TAFA1: variants seen among roughly 807,000 people sequenced by gnomAD.
TAFA1 encodes the protein TAFA chemokine like family member 1.
A neutral mutation model predicts 18.5 loss-of-function variants in TAFA1; 4 were observed. The observed-to-expected ratio is 0.22, with a 90% CI of 0.11 to 0.49. TAFA1 has a LOEUF of 0.49. Ranked by LOEUF, TAFA1 falls within the 20% of genes least tolerant of loss-of-function variation. The pLI is 0.98. For synonymous variants in TAFA1, 56 were observed against 55.2 expected (o/e 1.01, Z -0.06); for missense variants, 147 against 169.0 (o/e 0.87, Z 0.72).
chr3:68,006,547 C>G (rs567902728), intron 1 of TAFA1, 77 bp from the exon 2 acceptor site: 2 of 902,468 alleles, frequency 2.2e-6, no homozygotes, highest in African/African-American at 1.6e-5. Flanking sequence ...TGAGACCTCC[C>G]TTCCCTCATC....
intron 3 of TAFA1, among the ~76,000 whole-genome samples, chr3:68,519,814 C>T (rs2072990048): frequency 6.6e-6 from 1 of 152,130 alleles, no homozygotes; most frequent in African/African-American, 2.4e-5. Flanking sequence ...GACCGAATTA[C>T]CTCCCAAACA....
At chr3:68,168,664 G>C (rs1040243888) in intron 2 of TAFA1, among the ~76,000 whole-genome samples, 1 of 152,176 alleles carries the variant, frequency 6.6e-6, no homozygotes, top group Non-Finnish European at 1.5e-5. Flanking sequence ...TTATTTTGGA[G>C]TTGTGTTGCT....
intron 2 of TAFA1, among the ~76,000 whole-genome samples, chr3:68,183,355 G>C (rs751151327): frequency 4.6e-5 from 7 of 152,102 alleles, no homozygotes; most frequent in Non-Finnish European, 1.0e-4. Context: ...CAGGAAATAA[G>C]GAACCAGAAG....
At chr3:68,340,374 T>C (rs1233258439) in intron 2 of TAFA1, among the ~76,000 whole-genome samples, 1 of 152,236 alleles carries the variant, frequency 6.6e-6, no homozygotes, top group East Asian at 1.9e-4. Flanking sequence ...TGTGGTTGCA[T>C]TGGAGAATGT....
At chr3:68,032,172 A>G (rs1455971527) in intron 2 of TAFA1, among the ~76,000 whole-genome samples, 2 of 152,082 alleles carry the variant, frequency 1.3e-5, no homozygotes, top group Non-Finnish European at 2.9e-5. Flanking sequence ...TCTATATGAG[A>G]TTCATTAGTT....
At chr3:68,140,949 T>G (rs546655245) in intron 2 of TAFA1, among the ~76,000 whole-genome samples, 10 of 152,278 alleles carry the variant, frequency 6.6e-5, no homozygotes, top group Admixed American at 6.5e-4. Flanking sequence ...ATGTATAATT[T>G]GTTAAAGTGA....
chr3:68,122,533 C>T (rs1213279334), intron 2 of TAFA1, among the ~76,000 whole-genome samples: 1 of 152,056 alleles, frequency 6.6e-6, no homozygotes, highest in Admixed American at 6.6e-5. Flanking sequence ...ATCCACATGA[C>T]AGGAACACTT....
intron 2 of TAFA1, among the ~76,000 whole-genome samples, chr3:68,019,363 C>T (rs573630497): frequency 6.6e-6 from 1 of 152,144 alleles, no homozygotes; most frequent in Admixed American, 6.5e-5. Flanking sequence ...CTTTTAGACT[C>T]CATAGACCCT....
chr3:68,242,124 G>T (rs1475101467), intron 2 of TAFA1, among the ~76,000 whole-genome samples: 8 of 152,136 alleles, frequency 5.3e-5, no homozygotes, highest in Admixed American at 1.3e-4. Flanking sequence ...CACAGCTTCA[G>T]ATGGGAGCTG....
chr3:68,282,828 G>A (rs527963567), intron 2 of TAFA1, among the ~76,000 whole-genome samples: 1 of 152,224 alleles, frequency 6.6e-6, no homozygotes, highest in Admixed American at 6.5e-5. Flanking sequence ...CAAATTCCAG[G>A]TTAATTGATT....
chr3:68,196,237 G>T (rs1559554945), intron 2 of TAFA1, among the ~76,000 whole-genome samples: 1 of 151,762 alleles, frequency 6.6e-6, no homozygotes, highest in East Asian at 1.9e-4. Context: ...TTCAAAAGTG[G>T]TAAAATGGAA....
chr3:68,178,361 T>C (rs544572367), intron 2 of TAFA1, among the ~76,000 whole-genome samples: 1 of 152,276 alleles, frequency 6.6e-6, no homozygotes, highest in East Asian at 1.9e-4. Context: ...GTTGGCATAA[T>C]CCCTTTCTTA....
intron 2 of TAFA1, among the ~76,000 whole-genome samples, chr3:68,248,401 G>T (rs779157293): frequency 6.6e-6 from 1 of 152,082 alleles, no homozygotes; most frequent in Non-Finnish European, 1.5e-5. Context: ...ACTTCAATTT[G>T]CCTTAGGCTT....
chr3:68,175,456 C>A (rs1442754706), intron 2 of TAFA1, among the ~76,000 whole-genome samples: 1 of 152,210 alleles, frequency 6.6e-6, no homozygotes, highest in Non-Finnish European at 1.5e-5. Flanking sequence ...ACTATGGGAA[C>A]CCACCTCTTG....
intron 2 of TAFA1, among the ~76,000 whole-genome samples, chr3:68,216,497 C>T (rs1364580734): frequency 6.6e-6 from 1 of 152,032 alleles, no homozygotes; most frequent in Non-Finnish European, 1.5e-5. Context: ...TGCATAAGCA[C>T]TGAGATTGGG....
At chr3:68,068,736 CT>C (rs1162525978) in intron 2 of TAFA1, among the ~76,000 whole-genome samples, 2 of 152,140 alleles carry the variant, frequency 1.3e-5, no homozygotes, top group Admixed American at 6.5e-5. Context: ...CTCTCTTCCA[CT>C]TTTTTTCTTA....
chr3:68,393,583 T>C (rs2070308013), intron 2 of TAFA1, among the ~76,000 whole-genome samples: 1 of 152,052 alleles, frequency 6.6e-6, no homozygotes, highest in African/African-American at 2.4e-5. Context: ...CAGGGCAATA[T>C]CCCTGTTGAA....
chr3:68,421,537 C>T, intron 3 of TAFA1, among the ~76,000 whole-genome samples: 1 of 152,060 alleles, frequency 6.6e-6, no homozygotes, highest in Non-Finnish European at 1.5e-5. Context: ...GCAGCTGTAC[C>T]TATTACTGAT....
chr3:68,167,847 C>A (rs1472814613), intron 2 of TAFA1, among the ~76,000 whole-genome samples: 1 of 152,038 alleles, frequency 6.6e-6, no homozygotes, highest in South Asian at 2.1e-4. Flanking sequence ...CACTGTACTC[C>A]AGCCTGTGCA....
Sources: allele counts gnomAD v4.1 joint callset (sites outside exome capture counted in the v4.1 genomes callset), GRCh38; gene constraint gnomAD v4.1.1; transcripts MANE v1.5; gene names NCBI Gene and HGNC (gene_info 2026-07-23, HGNC 2026-07-21).